The following ASPM variants were observed in gnomAD, a reference collection of about 807,000 sequenced individuals.
ASPM encodes the protein abnormal spindle-like microcephaly-associated protein.
In ASPM, 256 loss-of-function variants were observed where a neutral mutation model predicts 366.4. The ratio of observed to expected loss-of-function variants is 0.70; its 90% CI spans 0.63 to 0.77. The LOEUF is 0.77. Ranked by LOEUF, ASPM falls within the 30% of genes least tolerant of loss-of-function variation. ASPM has a pLI of 0.00. For missense variants in ASPM, 4,146 were observed against 4,090.4 expected (o/e 1.01, Z -0.37); for synonymous variants, 1,414 against 1,342.9 (o/e 1.05, Z -1.16).
Position 197,146,192 on chromosome 1 carries a change from G to A in ASPM, c.246C>T (p.Phe82=). The change falls in exon 1 of 28, where the codon TTC becomes TTT. Residue 82 remains phenylalanine, a synonymous_variant. Transcript: ENST00000367409. ...EEVAEVKISH[F]PAADLGFSVS... is the part of the protein sequence containing the mutation. ...CACTGAAGCCCAGGTCCGCGGCCGG[G>A]AAGTGGGAGATCTTCACTTCTGCCA... 1 of 1,614,146 alleles carries A rather than the reference G, an allele frequency of 6.2e-7. No homozygotes were observed. Among genetic ancestry groups the A allele is most frequent in the Non-Finnish European group, 8.5e-7 (1 of 1,180,032 alleles).
chr1:197,090,492 C>T (rs1656745030), intron 23 of ASPM, 104 bp from the exon 24 acceptor site: 1 of 931,830 alleles, frequency 1.1e-6, no homozygotes, highest in Non-Finnish European at 1.6e-6. Flanking sequence ...ATTTATTTGA[C>T]ATGATCACAT....
rs36004306 is a variant in ASPM, at chr1:197,091,956, A to C, written c.9395T>G (p.Leu3132Arg). ...VRIQRAYKLY[L>R]AVKNANKQVN... ...CTGCTTGTTAGCATTCTTCACAGCC[A>C]GGTAAAGTTTATAGGCTCTTTGAAT... Residue 3132 changes from leucine (L) to arginine (R), a missense_variant, in exon 22 of 28, where the codon CTG becomes CGG. Leu to Arg is a moderately radical substitution (Grantham distance 102, BLOSUM62 -2). Coordinates refer to ENST00000367409, the MANE Select transcript of ASPM (RefSeq NM_018136.5). 0.041 allele frequency: 66,453 copies of C among 1,611,488 alleles called. 1,621 individuals are homozygous for C. Among genetic ancestry groups the C allele is most frequent in the Middle Eastern group, 0.058 (315 of 5,420 alleles).
In ASPM at chr1:197,101,272, T is replaced by C; in HGVS notation, c.7979A>G (p.Lys2660Arg). 3 of 1,612,084 alleles carry C rather than the reference T, an allele frequency of 1.9e-6. No individual in the cohort carries two copies. Among genetic ancestry groups the C allele is most frequent in the Non-Finnish European group, 2.5e-6 (3 of 1,178,912 alleles). The change falls in exon 18 of 28, where the codon AAA (lysine) becomes AGA (arginine). Residue 2660 changes from lysine (K) to arginine (R), a missense_variant. Physicochemically the swap from Lys to Arg is conservative, Grantham distance 26. Around this residue, in one of 3 missense-constraint regions of ASPM, gnomAD observed 3,624 missense variants for 3,591.7 expected, o/e 1.01. Coordinates refer to ENST00000367409, the MANE Select transcript of ASPM (RefSeq NM_018136.5). ...TVVSIQRRYR[K>R]LTAVRTQAVI... ...TGCTTGGGTACGCACTGCAGTTAGT[T>C]TTCTGTATCTTCTTTGAATAGAAAC... is the stretch of plus-strand genomic sequence containing the variant.
chr1:197,129,207 A>G lies in ASPM; in HGVS notation c.2740T>C (p.Cys914Arg). Residue 914 changes from cysteine (C) to arginine (R), a missense_variant, in exon 9 of 28, where the codon TGT becomes CGT. Physicochemically the swap from Cys to Arg is radical, Grantham distance 180 (BLOSUM62 -3). This residue lies in a region of ASPM where 3,624 missense variants were observed against 3,591.7 expected (regional missense o/e 1.01). Transcript: ENST00000367409. ...CATACCTTGAATTCGGCATCTTTAC[A>G]GAAGAGACAAGGATCATGATCAATG... ...RLIDHDPCLF[C>R]KDAEFKASKE... 1 of 1,612,614 alleles carries G rather than the reference A, an allele frequency of 6.2e-7. No homozygotes were observed. The highest frequency in any genetic ancestry group is 1.3e-5 in the African/African-American group (1 of 75,018).
chr1:197,105,059 CTGT>C lies in ASPM; in HGVS notation c.4189_4191del (p.Thr1397del). On this transcript the variant is annotated inframe_deletion, in exon 18 of 28. Transcript: ENST00000367409. ...GCACGCCAATGCCTCTGAATTGTAA[CTGT>C]AGCCCAAAGATATCGTTTATAAGAT... is the stretch of plus-strand genomic sequence containing the variant. 1 of 1,610,172 alleles carries C rather than the reference CTGT, an allele frequency of 6.2e-7. No homozygotes were observed. Among genetic ancestry groups the C allele is most frequent in the Non-Finnish European group, 8.5e-7 (1 of 1,177,608 alleles).
chr1:197,138,884 C>T (rs1658498472), intron 4 of ASPM: 9 of 944,572 alleles, frequency 9.5e-6, no homozygotes, highest in Non-Finnish European at 1.4e-5. Flanking sequence ...GCTTCCTTAT[C>T]TCCTCCTGTT....
chr1:197,133,143 G>T (rs1658314500), intron 6 of ASPM, among the ~76,000 whole-genome samples: 1 of 152,116 alleles, frequency 6.6e-6, no homozygotes, highest in African/African-American at 2.4e-5. Context: ...ATACACACAA[G>T]AAGGTAACTA....
rs1265722801 is a variant in ASPM at position 197,096,135 on chromosome 1, T to C, written c.8850A>G (p.Lys2950=). Residue 2950 remains lysine (K), a synonymous_variant, in exon 19 of 28, where the codon AAA becomes AAG. Transcript: ENST00000367409. The part of the protein sequence containing the change: ...QAMWRRYRAK[K]YLCKVKAACK... ...AGGCAGCTTTCACTTTACATAAATA[T>C]TTCTTGGCTCTATATCTCCTCCACA... 8.1e-6 allele frequency: 13 copies of C among 1,608,422 alleles called. No individual in the cohort carries two copies. Among genetic ancestry groups the C allele is most frequent in the Admixed American group, 1.7e-5 (1 of 59,838 alleles).
At chr1:197,139,207 C>G in intron 4 of ASPM, 1 of 957,658 alleles carries the variant, frequency 1.0e-6, no homozygotes, top group Non-Finnish European at 1.7e-6. Flanking sequence ...TTTTCATTTT[C>G]CACTTGGAAA....
At chr1:197,127,542 T>C (rs750722844) in intron 10 of ASPM, among the ~76,000 whole-genome samples, 19 of 152,202 alleles carry the variant, frequency 1.2e-4, no homozygotes, top group Non-Finnish European at 2.2e-4. Context: ...ATATATATTT[T>C]GGAGAGTTCC....
At chr1:197,125,005 T>C (rs778409263) in intron 11 of ASPM, 41 bp downstream of exon 11, 17 of 1,608,994 alleles carry the variant, frequency 1.1e-5, no homozygotes, top group Non-Finnish European at 1.4e-5. Flanking sequence ...CATATCAATA[T>C]TCAGTGAGGA....
chr1:197,102,238 G>A lies in ASPM; in HGVS notation c.7013C>T (p.Ala2338Val), dbSNP rs766255067. The A allele has an allele frequency of 3.1e-6, 5 of 1,612,766 alleles. No individual in the cohort carries two copies. The highest frequency in any genetic ancestry group is 4.5e-5 in the East Asian group (2 of 44,818). Residue 2338 changes from alanine (A) to valine (V), a missense_variant, in exon 18 of 28, where the codon GCT becomes GTT. Physicochemically the swap from Ala to Val is moderately conservative, Grantham distance 64. Around this residue, in one of 3 missense-constraint regions of ASPM, gnomAD observed 3,624 missense variants for 3,591.7 expected, o/e 1.01. Coordinates refer to ENST00000367409, the MANE Select transcript of ASPM (RefSeq NM_018136.5). ...TCTGAAAGTAGACTGGATGAAAGTA[G>A]CAGCCCTGTGCATCTCTCGCATCCT... Reference protein sequence around the residue: ...RKRMREMHRAATFIQSTFRMH... With the variant: ...RKRMREMHRAVTFIQSTFRMH...
At chr1:197,089,434 T>A (rs1349377943) in intron 25 of ASPM, among the ~76,000 whole-genome samples, 3 of 152,052 alleles carry the variant, frequency 2.0e-5, no homozygotes, top group African/African-American at 7.2e-5. Flanking sequence ...ATGATTATAA[T>A]GTGGTAATAC....
At chr1:197,094,815 T>C (rs1656916326) in intron 19 of ASPM, among the ~76,000 whole-genome samples, 1 of 151,722 alleles carries the variant, frequency 6.6e-6, no homozygotes, top group Admixed American at 6.6e-5. Context: ...GTACAATGAG[T>C]AGCTTGTTTT....
chr1:197,103,321 A>C lies in ASPM; in HGVS notation c.5930T>G (p.Ile1977Arg), dbSNP rs1195410719. 6.2e-7 allele frequency: 1 copy of C among 1,613,170 alleles called. No homozygotes were observed. Among genetic ancestry groups the C allele is most frequent in the East Asian group, 2.2e-5 (1 of 44,844 alleles). The change falls in exon 18 of 28, where the codon ATA becomes AGA. Residue 1977 changes from isoleucine to arginine, a missense_variant. By Grantham distance (97) the Ile-to-Arg change is moderately conservative (BLOSUM62 -3). Around this residue, in one of 3 missense-constraint regions of ASPM, gnomAD observed 3,624 missense variants for 3,591.7 expected, o/e 1.01. Coordinates refer to ENST00000367409, the MANE Select transcript of ASPM (RefSeq NM_018136.5). The stretch of plus-strand genomic sequence containing the variant: ...CACATGCATTCTATAGTATGACTGT[A>C]TGATGATAGCACATTTATGTTGCCT... ...LQRQHKCAII[I>R]QSYYRMHVQQ...
intron 20 of ASPM, among the ~76,000 whole-genome samples, 190 bp from the exon 21 acceptor site, chr1:197,093,451 A>T (rs1395744302): frequency 6.6e-6 from 1 of 151,900 alleles, no homozygotes; most frequent in Non-Finnish European, 1.5e-5. Context: ...GCCAAGATGA[A>T]GGTGTAAGCC....
intron 5 of ASPM, among the ~76,000 whole-genome samples, chr1:197,134,343 T>C (rs1658354888): frequency 1.3e-5 from 2 of 151,716 alleles, no homozygotes; most frequent in African/African-American, 4.8e-5. Flanking sequence ...GCCTGGGAAG[T>C]GGAGGCTGCA....
intron 9 of ASPM, 103 bp from the exon 10 acceptor site, chr1:197,128,768 T>A: frequency 1.2e-6 from 1 of 855,020 alleles, no homozygotes; most frequent in Non-Finnish European, 1.8e-6. Flanking sequence ...AATAAAATAA[T>A]ATAAAAAGTT....
intron 23 of ASPM, among the ~76,000 whole-genome samples, chr1:197,090,603 C>A (rs1189085186): frequency 6.6e-6 from 1 of 151,986 alleles, no homozygotes; most frequent in Non-Finnish European, 1.5e-5. Context: ...CAGCATTTAT[C>A]GACCAAAGAT....
Sources: allele counts gnomAD v4.1 joint callset (sites outside exome capture counted in the v4.1 genomes callset), GRCh38; gene constraint gnomAD v4.1.1; regional missense constraint gnomAD v4.1.1; transcripts MANE v1.5; gene names NCBI Gene and HGNC (gene_info 2026-07-23, HGNC 2026-07-21).